Variants in GPC6 observed in about 807,000 individuals in gnomAD.
GPC6 encodes glypican 6.
In GPC6, 14 loss-of-function variants were observed where a neutral mutation model predicts 55.2. The observed-to-expected ratio is 0.25, with a 90% CI of 0.17 to 0.40. The LOEUF is 0.40. Ranked by LOEUF, GPC6 falls within the 10% of genes least tolerant of loss-of-function variation. GPC6 has a pLI of 1.00. For synonymous variants in GPC6, 278 were observed against 259.6 expected (o/e 1.07, Z -0.68); for missense variants, 641 against 708.5 (o/e 0.90, Z 1.08).
chr13:94,291,340 C>T lies in GPC6; in HGVS notation c.1008+4861C>T, dbSNP rs572842814. On this transcript the variant is annotated intron_variant, in intron 5 of 8. Coordinates refer to ENST00000377047, the MANE Select transcript of GPC6 (RefSeq NM_005708.5). ...TACGGCTGGTACAGAGAAAAGAGGA[C>T]GCAAGGAATTAAGGAAGAGGAGAGA... Among the ~76,000 whole-genome samples, 514 of 151,636 alleles carry T rather than the reference C, an allele frequency of 3.4e-3. 3 individuals are homozygous for T. Among genetic ancestry groups the T allele is most frequent in the African/African-American group, 0.012 (482 of 41,312 alleles).
intron 4 of GPC6, among the ~76,000 whole-genome samples, chr13:94,070,644 T>C (rs1884696530): frequency 6.6e-6 from 1 of 152,194 alleles, no homozygotes; most frequent in Admixed American, 6.5e-5. Context: ...AGTCTATCCT[T>C]TCTAGAGTTA....
intron 4 of GPC6, among the ~76,000 whole-genome samples, chr13:94,047,107 A>G (rs745819015): frequency 5.3e-5 from 8 of 152,122 alleles, no homozygotes; most frequent in Non-Finnish European, 1.0e-4. Flanking sequence ...TCTCTACTTC[A>G]GTGTACCAAA....
intron 2 of GPC6, among the ~76,000 whole-genome samples, chr13:93,809,902 A>T (rs868488420): frequency 3.5e-4 from 53 of 152,318 alleles, no homozygotes; most frequent in Middle Eastern, 3.4e-3. Context: ...CAAGTAAATA[A>T]GAACTGCTCA....
intron 1 of GPC6, among the ~76,000 whole-genome samples, chr13:93,378,131 A>G (rs765466956): frequency 2.6e-5 from 4 of 152,232 alleles, no homozygotes; most frequent in Non-Finnish European, 5.9e-5. Context: ...TAAGCAAAAT[A>G]TAAGTATTAA....
chr13:93,810,000 T>C (rs1886649435), intron 2 of GPC6, among the ~76,000 whole-genome samples: 1 of 152,008 alleles, frequency 6.6e-6, no homozygotes, highest in Admixed American at 6.5e-5. Context: ...GGTCTCTGAG[T>C]TCCTTGCTTT....
intron 2 of GPC6, among the ~76,000 whole-genome samples, chr13:93,705,959 G>A (rs552533807): frequency 4.0e-5 from 6 of 151,708 alleles, no homozygotes; most frequent in Admixed American, 6.6e-5. Flanking sequence ...AAAGATAGCT[G>A]TTGTTTCCAT....
At chr13:94,065,438 G>A (rs1336156192) in intron 4 of GPC6, among the ~76,000 whole-genome samples, 1 of 152,126 alleles carries the variant, frequency 6.6e-6, no homozygotes, top group African/African-American at 2.4e-5. Flanking sequence ...GTCTTGCATG[G>A]TATTCCTGTA....
At chr13:94,148,588 T>C (rs1887636691) in intron 4 of GPC6, among the ~76,000 whole-genome samples, 1 of 152,176 alleles carries the variant, frequency 6.6e-6, no homozygotes, top group Admixed American at 6.6e-5. Context: ...AAACATTAGA[T>C]AGAAATATTT....
chr13:93,342,562 G>A (rs4773737), intron 1 of GPC6, among the ~76,000 whole-genome samples: 10,512 of 152,200 alleles, frequency 0.069, 500 homozygotes, highest in East Asian at 0.12. Flanking sequence ...GGGGATTATG[G>A]GAGCTACCAT....
chr13:93,533,496 A>G (rs1053302729), intron 1 of GPC6, among the ~76,000 whole-genome samples: 4 of 152,168 alleles, frequency 2.6e-5, no homozygotes, highest in African/African-American at 9.7e-5. Context: ...TGACTATGGG[A>G]ATTTCAATAA....
intron 3 of GPC6, among the ~76,000 whole-genome samples, chr13:93,987,911 T>C (rs922127539): frequency 6.6e-5 from 10 of 152,118 alleles, no homozygotes; most frequent in African/African-American, 2.2e-4. Flanking sequence ...GGGTGGAGGT[T>C]TCATCTACAA....
chr13:93,742,836 T>C (rs1005295110), intron 2 of GPC6, among the ~76,000 whole-genome samples: 1 of 152,136 alleles, frequency 6.6e-6, no homozygotes, highest in Non-Finnish European at 1.5e-5. Flanking sequence ...ACCAGATGAA[T>C]ATTACCAGTA....
At chr13:94,382,264 C>A in intron 6 of GPC6, 150 bp from the exon 7 acceptor site, 2 of 786,922 alleles carry the variant, frequency 2.5e-6, no homozygotes, top group East Asian at 5.3e-5. Context: ...GCAATAAACC[C>A]TGCAGTGCAG....
At chr13:93,305,904 C>T (rs1214786565) in intron 1 of GPC6, among the ~76,000 whole-genome samples, 2 of 152,134 alleles carry the variant, frequency 1.3e-5, no homozygotes, top group African/African-American at 4.8e-5. Context: ...CTCCCATATG[C>T]ACTGAACTAT....
chr13:94,360,767 C>T (rs1199705763), intron 6 of GPC6, among the ~76,000 whole-genome samples: 1 of 152,164 alleles, frequency 6.6e-6, no homozygotes, highest in Non-Finnish European at 1.5e-5. Flanking sequence ...CCAATAGGCA[C>T]AGGGCTTTTC....
At chr13:93,411,581 A>C (rs1876495809) in intron 1 of GPC6, among the ~76,000 whole-genome samples, 1 of 152,220 alleles carries the variant, frequency 6.6e-6, no homozygotes, top group African/African-American at 2.4e-5. Flanking sequence ...TTCTCTGGGC[A>C]CACTTATAGA....
At chr13:93,586,453 A>C (rs2139498894) in intron 2 of GPC6, among the ~76,000 whole-genome samples, 1 of 152,308 alleles carries the variant, frequency 6.6e-6, no homozygotes, top group South Asian at 2.1e-4. Context: ...ACCTGGAAAT[A>C]AGACCACACA....
At chr13:93,810,894 C>T (rs1407894416) in intron 2 of GPC6, among the ~76,000 whole-genome samples, 1 of 152,114 alleles carries the variant, frequency 6.6e-6, no homozygotes, top group Non-Finnish European at 1.5e-5. Flanking sequence ...AAACTGATAA[C>T]CAGTTTGCTT....
chr13:93,344,090 G>T (rs140709116), intron 1 of GPC6, among the ~76,000 whole-genome samples: 14 of 152,236 alleles, frequency 9.2e-5, no homozygotes, highest in Non-Finnish European at 1.6e-4. Context: ...AACAGTAAAA[G>T]AAATCATTTC....
Sources: allele counts gnomAD v4.1 joint callset (sites outside exome capture counted in the v4.1 genomes callset), GRCh38; gene constraint gnomAD v4.1.1; transcripts MANE v1.5; gene names NCBI Gene and HGNC (gene_info 2026-07-23, HGNC 2026-07-21).